Variants in SYCP1 observed in about 807,000 individuals in gnomAD.
The protein encoded by SYCP1 is cancer/testis antigen 8.
A neutral mutation model predicts 153.1 loss-of-function variants in SYCP1; 64 were observed. The observed-to-expected ratio is 0.42, with a 90% CI of 0.34 to 0.51. The LOEUF (loss-of-function observed/expected upper bound fraction) is 0.51, where lower values mean the gene tolerates loss of function less well. Ranked by LOEUF, SYCP1 falls within the 20% of genes least tolerant of loss-of-function variation. The pLI is 0.06. For missense variants in SYCP1, 997 were observed against 1,049.0 expected, an observed-to-expected ratio of 0.95 and a Z score of 0.68; for synonymous variants, 384 against 341.8, an observed-to-expected ratio of 1.12 and a Z score of -1.36.
At chr1:114,887,000 G>A (rs550988856) in intron 14 of SYCP1, among the ~76,000 whole-genome samples, 55 of 152,166 alleles carry the variant, frequency 3.6e-4, no homozygotes, top group African/African-American at 1.0e-3. Context: ...GGTTAATTAA[G>A]TTTGGTAGGA....
intron 7 of SYCP1, 113 bp from the exon 8 acceptor site, chr1:114,860,623 T>G (rs1664303298): frequency 3.0e-6 from 2 of 676,654 alleles, no homozygotes; most frequent in East Asian, 3.1e-5. Context: ...TGCCAAAGAT[T>G]ATAATATTTT....
intron 27 of SYCP1, among the ~76,000 whole-genome samples, chr1:114,954,575 A>C (rs1283295399): frequency 6.7e-6 from 1 of 149,926 alleles, no homozygotes; most frequent in Non-Finnish European, 1.5e-5. Flanking sequence ...TTATTTATTT[A>C]TTTATTTTTT....
At chr1:114,981,915 A>C (rs1570912801) in intron 29 of SYCP1, among the ~76,000 whole-genome samples, 1 of 152,166 alleles carries the variant, frequency 6.6e-6, no homozygotes, top group East Asian at 1.9e-4. Flanking sequence ...GACATTTTAT[A>C]GCATCACCAC....
intron 20 of SYCP1, among the ~76,000 whole-genome samples, chr1:114,916,588 T>A (rs1668522234): frequency 6.6e-6 from 1 of 151,726 alleles, no homozygotes. Flanking sequence ...TCAAGTTTGA[T>A]TTTAGAATTT....
chr1:114,923,404 G>T (rs1297415511), intron 20 of SYCP1, 45 bp from the exon 21 acceptor site: 4 of 1,503,774 alleles, frequency 2.7e-6, no homozygotes, highest in African/African-American at 2.8e-5. Context: ...TCTTCTATAG[G>T]CCTAATAATT....
chr1:114,884,024 G>C (rs1249417691), intron 12 of SYCP1, among the ~76,000 whole-genome samples: 1 of 152,004 alleles, frequency 6.6e-6, no homozygotes, highest in Non-Finnish European at 1.5e-5. Context: ...CCCCACAGTC[G>C]GACCAATGAC....
chr1:114,926,195 A>C (rs1192564987), intron 21 of SYCP1, 83 bp from the exon 22 acceptor site: 2 of 1,090,702 alleles, frequency 1.8e-6, no homozygotes, highest in Non-Finnish European at 2.4e-6. Context: ...TCAGTACTTT[A>C]TGCAATATTT....
chr1:114,925,078 G>A (rs73000569), intron 21 of SYCP1, among the ~76,000 whole-genome samples: 1 of 151,992 alleles, frequency 6.6e-6, no homozygotes, highest in South Asian at 2.1e-4. Context: ...CCTTCAAAAG[G>A]TTACATGACT....
intron 23 of SYCP1, among the ~76,000 whole-genome samples, chr1:114,931,636 T>A (rs1196522194): frequency 6.6e-6 from 1 of 152,162 alleles, no homozygotes; most frequent in Non-Finnish European, 1.5e-5. Flanking sequence ...TTTAATGTTT[T>A]TAAAATGTCA....
At chr1:114,969,548 A>C (rs973202503) in intron 27 of SYCP1, among the ~76,000 whole-genome samples, 1 of 152,170 alleles carries the variant, frequency 6.6e-6, no homozygotes, top group Admixed American at 6.5e-5. Context: ...TGGCAGTGAG[A>C]ATTTGAAGCC....
intron 8 of SYCP1, among the ~76,000 whole-genome samples, chr1:114,872,824 G>A (rs542954781): frequency 3.3e-5 from 5 of 151,864 alleles, no homozygotes; most frequent in Admixed American, 6.6e-5. Context: ...TCATTTCTTC[G>A]TTTTATTTTT....
At chr1:114,990,233 C>G (rs1673831645) in intron 30 of SYCP1, among the ~76,000 whole-genome samples, 2 of 151,898 alleles carry the variant, frequency 1.3e-5, no homozygotes, top group Admixed American at 1.3e-4. Flanking sequence ...ACAACACACT[C>G]TTAGCCAATC....
intron 23 of SYCP1, among the ~76,000 whole-genome samples, chr1:114,934,133 AG>A (rs1446805393): frequency 6.6e-6 from 1 of 152,216 alleles, no homozygotes; most frequent in African/African-American, 2.4e-5. Flanking sequence ...GTTGAAATGA[AG>A]GAAAAAATGT....
At chr1:114,872,714 C>A (rs1423794298) in intron 8 of SYCP1, among the ~76,000 whole-genome samples, 1 of 152,084 alleles carries the variant, frequency 6.6e-6, no homozygotes, top group Non-Finnish European at 1.5e-5. Context: ...TCTTTCTAGT[C>A]TTTTTTCTCT....
chr1:114,966,352 T>A (rs1454048599), intron 27 of SYCP1, among the ~76,000 whole-genome samples: 1 of 152,214 alleles, frequency 6.6e-6, no homozygotes, highest in Admixed American at 6.5e-5. Flanking sequence ...CCTTCAGTTC[T>A]GCTCTGATCT....
chr1:114,937,635 C>A (rs1670112272), intron 23 of SYCP1, among the ~76,000 whole-genome samples: 1 of 152,014 alleles, frequency 6.6e-6, no homozygotes. Context: ...AAAATTTTTA[C>A]AATCTACCCA....
intron 27 of SYCP1, among the ~76,000 whole-genome samples, chr1:114,973,407 C>G (rs1158070949): frequency 1.3e-5 from 2 of 152,020 alleles, no homozygotes; most frequent in Non-Finnish European, 1.5e-5. Flanking sequence ...TATGCATTTT[C>G]TAGGCATCTT....
chr1:114,872,680 C>G (rs1665232119), intron 8 of SYCP1, among the ~76,000 whole-genome samples: 1 of 152,138 alleles, frequency 6.6e-6, no homozygotes, highest in South Asian at 2.1e-4. Flanking sequence ...AGTTGTCTCA[C>G]AGTTCTTGGA....
At chr1:114,976,740 A>T (rs893649456) in intron 27 of SYCP1, among the ~76,000 whole-genome samples, 1 of 151,830 alleles carries the variant, frequency 6.6e-6, no homozygotes, top group African/African-American at 2.4e-5. Flanking sequence ...AGTAAATACT[A>T]TTGCATCAGT....
Sources: gnomAD v4.1 joint callset for allele counts (sites outside exome capture counted in the v4.1 genomes callset) on GRCh38, gnomAD v4.1.1 for gene constraint, MANE v1.5 for transcripts, NCBI Gene and HGNC (gene_info 2026-07-23, HGNC 2026-07-21) for gene names.